Variants in GRB10 observed in about 807,000 individuals in gnomAD.
The protein encoded by GRB10 is growth factor receptor-bound protein 10.
In GRB10, 20 loss-of-function variants were observed where a neutral mutation model predicts 80.9. That is an observed-to-expected ratio of 0.25 (90% CI 0.17 to 0.36). The LOEUF is 0.36. Among genes scored for constraint, GRB10 ranks in the 10% least tolerant of loss-of-function variants. GRB10 has a pLI of 1.00. For synonymous variants in GRB10, 291 were observed against 291.5 expected (o/e 1.00, Z 0.02); for missense variants, 548 against 747.7 (o/e 0.73, Z 3.12).
intron 5 of GRB10, among the ~76,000 whole-genome samples, chr7:50,678,925 A>C (rs1455208423): frequency 6.6e-6 from 1 of 152,248 alleles, no homozygotes; most frequent in Non-Finnish European, 1.5e-5. Flanking sequence ...CGCAGTGAAT[A>C]TTCAGATTGT....
intron 7 of GRB10, among the ~76,000 whole-genome samples, chr7:50,653,095 T>TC (rs373795930): frequency 3.9e-5 from 6 of 152,108 alleles, no homozygotes; most frequent in African/African-American, 1.4e-4. Flanking sequence ...CACTTCACAC[T>TC]CCCCCCTGCT....
At chr7:50,686,398 C>CAATT (rs770885243) in intron 5 of GRB10, among the ~76,000 whole-genome samples, 45 of 152,300 alleles carry the variant, frequency 3.0e-4, no homozygotes, top group Non-Finnish European at 5.7e-4. Context: ...GTAAGCCACC[C>CAATT]AATTGATGGC....
intron 7 of GRB10, among the ~76,000 whole-genome samples, chr7:50,665,533 C>T (rs751257008): frequency 1.5e-4 from 23 of 152,340 alleles, no homozygotes; most frequent in South Asian, 4.1e-4. Context: ...AGGGTCTGAC[C>T]GGCCCAGGTT....
At chr7:50,636,854 T>TA (rs60889257) in intron 7 of GRB10, among the ~76,000 whole-genome samples, 80,091 of 152,036 alleles carry the variant, frequency 0.53, 21,236 homozygotes, top group Admixed American at 0.54. Context: ...CCACTACTAT[T>TA]AAACGTAGCA....
intron 5 of GRB10, among the ~76,000 whole-genome samples, chr7:50,675,714 C>T (rs2060854289): frequency 6.6e-6 from 1 of 152,112 alleles, no homozygotes; most frequent in Non-Finnish European, 1.5e-5. Context: ...TGAGCCAATT[C>T]CTAAAACACA....
chr7:50,704,787 C>T (rs1247667716), intron 4 of GRB10, among the ~76,000 whole-genome samples: 1 of 152,224 alleles, frequency 6.6e-6, no homozygotes, highest in African/African-American at 2.4e-5. Flanking sequence ...TGGCGACAGC[C>T]AACATGCACA....
At chr7:50,620,849 CT>C (rs1164029445) in intron 8 of GRB10, among the ~76,000 whole-genome samples, 1 of 152,214 alleles carries the variant, frequency 6.6e-6, no homozygotes, top group African/African-American at 2.4e-5. Context: ...AAATCAATGA[CT>C]TCTGTTGAAA....
At chr7:50,710,892 G>A in intron 4 of GRB10, 1 of 1,612,708 alleles carries the variant, frequency 6.2e-7, no homozygotes, top group Non-Finnish European at 8.5e-7. Context: ...CGGAACAGAG[G>A]GCCGGCAGCT....
intron 5 of GRB10, among the ~76,000 whole-genome samples, chr7:50,701,711 T>C (rs150883846): frequency 1.3e-5 from 2 of 152,390 alleles, no homozygotes; most frequent in East Asian, 1.9e-4. Context: ...TGGCATAACA[T>C]TGTAGATGGA....
intron 5 of GRB10, among the ~76,000 whole-genome samples, chr7:50,688,792 G>T (rs2237489): frequency 6.7e-6 from 1 of 149,572 alleles, no homozygotes; most frequent in East Asian, 2.0e-4. Flanking sequence ...GGTGGGTGAG[G>T]GGGGGCAGAG....
upstream of GRB10, among the ~76,000 whole-genome samples, chr7:50,787,344 G>A (rs4947887): frequency 0.058 from 8,814 of 152,154 alleles, 597 homozygotes; most frequent in Admixed American, 0.18. Context: ...AAATATGGAA[G>A]TACGTACAGA....
intron 7 of GRB10, among the ~76,000 whole-genome samples, chr7:50,633,246 A>ACTACAACCTACAAACAACTAGCATTCT (rs1178327557): frequency 5.3e-5 from 8 of 152,222 alleles, no homozygotes. Flanking sequence ...GCACACTGTT[A>ACTACAACCTACAAACAACTAGCATTCT]CTACAACCTA....
intron 4 of GRB10, chr7:50,711,102 C>T: frequency 6.5e-6 from 4 of 611,412 alleles, no homozygotes; most frequent in Non-Finnish European, 5.9e-6. Flanking sequence ...TGGGAGAATG[C>T]CCGATCATAA....
chr7:50,718,265 T>C (rs1038132086), intron 4 of GRB10, among the ~76,000 whole-genome samples: 1 of 151,998 alleles, frequency 6.6e-6, no homozygotes, highest in Non-Finnish European at 1.5e-5. Context: ...GGAAAATGAG[T>C]TTGGTTTGAA....
chr7:50,601,985 C>T (rs1161916157), intron 17 of GRB10, among the ~76,000 whole-genome samples: 3 of 152,134 alleles, frequency 2.0e-5, no homozygotes, highest in Non-Finnish European at 4.4e-5. Flanking sequence ...GCAAAGTGAG[C>T]GTCGAGAAGA....
intron 5 of GRB10, among the ~76,000 whole-genome samples, chr7:50,696,838 G>A (rs934888143): frequency 6.6e-6 from 1 of 152,162 alleles, no homozygotes; most frequent in Non-Finnish European, 1.5e-5. Context: ...TTGAAAGCAG[G>A]AACTCAGACC....
At chr7:50,783,584 C>G (rs780379878), upstream of GRB10, among the ~76,000 whole-genome samples, 1 of 151,802 alleles carries the variant, frequency 6.6e-6, no homozygotes, top group Non-Finnish European at 1.5e-5. Flanking sequence ...GACATACACA[C>G]GAGCCTGCAA....
chr7:50,680,415 A>G (rs922377641), intron 5 of GRB10, among the ~76,000 whole-genome samples: 2 of 152,240 alleles, frequency 1.3e-5, no homozygotes, highest in African/African-American at 4.8e-5. Context: ...TAATTGAGAA[A>G]ACACATATCA....
intron 3 of GRB10, among the ~76,000 whole-genome samples, chr7:50,749,318 A>G (rs1274972416): frequency 6.6e-6 from 1 of 151,718 alleles, no homozygotes; most frequent in African/African-American, 2.4e-5. Flanking sequence ...TAGTAGAAAC[A>G]GGGTTTCATC....
Sources: allele counts gnomAD v4.1 joint callset (sites outside exome capture counted in the v4.1 genomes callset), GRCh38; gene constraint gnomAD v4.1.1; transcripts MANE v1.5; gene names NCBI Gene and HGNC (gene_info 2026-07-23, HGNC 2026-07-21).